SPIDR: variants seen among roughly 807,000 people sequenced by gnomAD.
The protein encoded by SPIDR is scaffold protein involved in DNA repair.
Under a neutral mutation model 104.6 loss-of-function variants are expected in SPIDR, and 93 were observed. That is an observed-to-expected ratio of 0.89 (90% CI 0.75 to 1.06). SPIDR has a LOEUF of 1.06. SPIDR is among the 50% of genes least tolerant of loss of function. The pLI is 0.00. For missense variants in SPIDR, 1,154 were observed against 1,111.2 expected, an observed-to-expected ratio of 1.04 and a Z score of -0.55; for synonymous variants, 431 against 416.9, an observed-to-expected ratio of 1.03 and a Z score of -0.41.
chr8:47,660,643 A>G (rs373808412), intron 10 of SPIDR: 6 of 409,018 alleles, frequency 1.5e-5, no homozygotes, highest in Middle Eastern at 1.2e-3. Context: ...TCTAATGGTT[A>G]TGTATTGCTT....
chr8:47,707,648 C>G (rs1157339600), intron 14 of SPIDR, among the ~76,000 whole-genome samples: 1 of 152,140 alleles, frequency 6.6e-6, no homozygotes, highest in Non-Finnish European at 1.5e-5. Flanking sequence ...GTTGTCAAGT[C>G]TAAGAGAAGT....
intron 10 of SPIDR, among the ~76,000 whole-genome samples, chr8:47,617,786 G>C (rs1452104479): frequency 1.3e-5 from 2 of 152,144 alleles, no homozygotes; most frequent in African/African-American, 4.8e-5. Context: ...TTTTGTCCTG[G>C]ATGATATGAG....
chr8:47,405,328 A>ATG (rs1383373614), intron 6 of SPIDR, among the ~76,000 whole-genome samples: 168 of 148,746 alleles, frequency 1.1e-3, no homozygotes, highest in Non-Finnish European at 1.4e-3. Context: ...GTGTGTATAT[A>ATG]TGTGTGTGTG....
At chr8:47,589,452 G>C (rs561090618) in intron 8 of SPIDR, among the ~76,000 whole-genome samples, 2 of 150,440 alleles carry the variant, frequency 1.3e-5, no homozygotes. Flanking sequence ...AACCCAGCAG[G>C]CAGAGGAGGT....
At chr8:47,402,186 C>G (rs1340440607) in intron 6 of SPIDR, among the ~76,000 whole-genome samples, 1 of 152,146 alleles carries the variant, frequency 6.6e-6, no homozygotes, top group Non-Finnish European at 1.5e-5. Context: ...ACGAGAATCT[C>G]TGGGACACAT....
chr8:47,576,945 C>T (rs1399266715), intron 8 of SPIDR, among the ~76,000 whole-genome samples: 3 of 152,162 alleles, frequency 2.0e-5, no homozygotes, highest in African/African-American at 7.2e-5. Flanking sequence ...TGCCATACAA[C>T]AGTACCACTC....
At chr8:47,678,897 C>T (rs1329512003) in intron 11 of SPIDR, among the ~76,000 whole-genome samples, 2 of 152,176 alleles carry the variant, frequency 1.3e-5, no homozygotes, top group Non-Finnish European at 2.9e-5. Flanking sequence ...GCTCAGTCAA[C>T]ATGCTCAGAA....
chr8:47,385,772 C>G (rs1037673597), intron 5 of SPIDR, among the ~76,000 whole-genome samples: 35 of 152,162 alleles, frequency 2.3e-4, no homozygotes, highest in African/African-American at 7.5e-4. Context: ...AAACAAACTG[C>G]TTGTTAATTG....
At position 47,514,144 on chromosome 8, in the gene SPIDR, C is replaced by G. The variant is rs75215919; in HGVS notation, c.1097+73602C>G. Among the ~76,000 whole-genome samples the G allele has an allele frequency of 3.1e-3, 475 of 152,262 alleles. 2 individuals carry two copies. The highest frequency in any genetic ancestry group is 0.011 in the African/African-American group (457 of 41,554). Reference sequence around the variant, plus strand: ...TGACAGGAGTACAGAGAAAAACTAGCATTTGTTGCCTTTAATATGCCTGCT... The same window carrying G: ...TGACAGGAGTACAGAGAAAAACTAGGATTTGTTGCCTTTAATATGCCTGCT... On this transcript the variant is annotated intron_variant, in intron 8 of 19. Transcript: ENST00000297423.
At chr8:47,400,465 A>T (rs2154315841) in intron 6 of SPIDR, among the ~76,000 whole-genome samples, 1 of 152,300 alleles carries the variant, frequency 6.6e-6, no homozygotes, top group African/African-American at 2.4e-5. Flanking sequence ...TACTGAGCTG[A>T]CTAGAAAGGC....
chr8:47,628,376 T>C (rs537327290), intron 10 of SPIDR, among the ~76,000 whole-genome samples: 1 of 152,312 alleles, frequency 6.6e-6, no homozygotes, highest in East Asian at 1.9e-4. Flanking sequence ...ATGGGTAGAA[T>C]TCTGACTAAA....
chr8:47,355,271 TAAAA>T (rs34902790), intron 5 of SPIDR, among the ~76,000 whole-genome samples: 1 of 116,566 alleles, frequency 8.6e-6, no homozygotes, highest in Non-Finnish European at 1.7e-5. Context: ...AGGTTTTTTG[TAAAA>T]AAAAAAAAAA....
chr8:47,606,097 T>C (rs1208373818), intron 10 of SPIDR, among the ~76,000 whole-genome samples: 1 of 152,178 alleles, frequency 6.6e-6, no homozygotes, highest in Admixed American at 6.6e-5. Flanking sequence ...ACCACTGCTG[T>C]CTAAATGATG....
At chr8:47,388,068 T>G (rs1261119578) in intron 5 of SPIDR, among the ~76,000 whole-genome samples, 1 of 152,188 alleles carries the variant, frequency 6.6e-6, no homozygotes, top group Non-Finnish European at 1.5e-5. Context: ...TCTTCTCTCT[T>G]TCTGTATCTT....
Position 47,410,660 on chromosome 8 carries a change from T to TTTA in SPIDR, c.877+2713_877+2715dup, listed in dbSNP as rs781927221. On this transcript the variant is annotated intron_variant, in intron 7 of 19. Transcript: ENST00000297423. ...GGTCTTATTATTTAGAGAAGTCTTTTTTATTATTATTATTATATTTTAAGT... is the reference window on the plus strand; with the variant it reads ...GGTCTTATTATTTAGAGAAGTCTTTTTTATTATTATTATTATTATATTTTAAGT... Among the ~76,000 whole-genome samples the TTTA allele has an allele frequency of 8.6e-5, 13 of 151,972 alleles. No individual in the cohort carries two copies. In the South Asian group the frequency reaches 1.5e-3, roughly 17 times the overall value.
At chr8:47,303,199 G>A (rs1303918544) in intron 5 of SPIDR, among the ~76,000 whole-genome samples, 5 of 152,218 alleles carry the variant, frequency 3.3e-5, no homozygotes, top group Non-Finnish European at 7.3e-5. Context: ...TCAGACTGCT[G>A]TGCTAGCAAT....
intron 5 of SPIDR, among the ~76,000 whole-genome samples, chr8:47,386,859 G>T (rs2059961172): frequency 1.3e-5 from 2 of 149,620 alleles, no homozygotes; most frequent in South Asian, 2.1e-4. Context: ...AAAATAAGGA[G>T]GAAGTGGGGG....
intron 10 of SPIDR, among the ~76,000 whole-genome samples, chr8:47,609,547 G>A (rs956218958): frequency 6.6e-5 from 10 of 152,062 alleles, no homozygotes; most frequent in Non-Finnish European, 1.5e-4. Flanking sequence ...GCACTGTTAC[G>A]TCTTTGTGTG....
intron 8 of SPIDR, among the ~76,000 whole-genome samples, chr8:47,443,956 T>C (rs28587193): frequency 0.028 from 4,248 of 152,222 alleles, 208 homozygotes; most frequent in African/African-American, 0.095. Flanking sequence ...AAAATAAAGA[T>C]AGAAGTAAAA....
Sources: allele counts gnomAD v4.1 joint callset (sites outside exome capture counted in the v4.1 genomes callset), GRCh38; gene constraint gnomAD v4.1.1; transcripts MANE v1.5; gene names NCBI Gene and HGNC (gene_info 2026-07-23, HGNC 2026-07-21).